FSCN2: variants seen among roughly 807,000 people sequenced by gnomAD.
FSCN2 encodes the protein fascin-2.
Under a neutral mutation model 37.8 loss-of-function variants are expected in FSCN2, and 46 were observed. The observed-to-expected ratio is 1.22, with a 90% CI of 0.96 to 1.56. The LOEUF (loss-of-function observed/expected upper bound fraction) is 1.56, where lower values mean the gene tolerates loss of function less well. FSCN2 is among the 40% of genes most tolerant of loss of function. The probability of loss-of-function intolerance (pLI) is 0.00; values close to 1 mark genes in which losing one functional copy is unlikely to be tolerated. For missense variants in FSCN2, 844 were observed against 730.4 expected (o/e 1.16, Z -1.79); for synonymous variants, 351 against 309.4 (o/e 1.13, Z -1.41).
chr17:81,527,998 G>A (rs982603817), upstream of FSCN2, among the ~76,000 whole-genome samples: 2 of 152,126 alleles, frequency 1.3e-5, no homozygotes, highest in Non-Finnish European at 1.5e-5. Context: ...GAGGGTACGG[G>A]CGGCGATCAG....
In FSCN2 at chr17:81,537,124, T is replaced by C. The variant is rs944214541; in HGVS notation, c.*44T>C. ...CTGTCGCGCATTAAAACCGTGTCTC[T>C]CCCGCAGCTGTGGGTGGGCCCCGGG... is the stretch of plus-strand genomic sequence containing the variant. On this transcript the variant is annotated 3_prime_UTR_variant, in exon 5 of 5. Coordinates refer to ENST00000417245, the MANE Select transcript of FSCN2 (RefSeq NM_012418.4). The C allele has an allele frequency of 9.7e-6, 13 of 1,341,196 alleles. No homozygotes were observed. In the African/African-American group the frequency reaches 2.0e-4, roughly 21 times the overall value. 83.1% of individuals were successfully genotyped at this position (1,341,196 alleles called of 1,614,324 possible).
the FSCN2 span, among the ~76,000 whole-genome samples, chr17:81,517,149 C>G: frequency 6.6e-6 from 1 of 151,936 alleles, no homozygotes; most frequent in Non-Finnish European, 1.5e-5. Flanking sequence ...CTCAACCCCA[C>G]TCCCCTGCCC....
chr17:81,532,272 GTGGTGA>G (rs1279979597), intron 1 of FSCN2, among the ~76,000 whole-genome samples: 35 of 133,466 alleles, frequency 2.6e-4, no homozygotes, highest in Admixed American at 1.3e-3. Flanking sequence ...GATAGTGATG[GTGGTGA>G]TGGTGATGGT....
rs782073381 is a variant in FSCN2, at chr17:81,529,139, A to G, written c.608A>G (p.Glu203Gly). 12 of 1,584,382 alleles carry G rather than the reference A, an allele frequency of 7.6e-6. No homozygotes were observed. In the South Asian group the frequency reaches 1.2e-4, roughly 15 times the overall value. ...YLRSDGRLVW[E>G]PEPRACYTLE... Reference sequence around the variant, plus strand: ...CGCAGCGACGGCCGTCTGGTCTGGGAGCCTGAGCCCCGTGCCTGCTACACG... The same window carrying G: ...CGCAGCGACGGCCGTCTGGTCTGGGGGCCTGAGCCCCGTGCCTGCTACACG... Residue 203 changes from glutamate (E) to glycine (G), a missense_variant, in exon 1 of 5, where the codon GAG becomes GGG. Coordinates refer to ENST00000417245, the MANE Select transcript of FSCN2 (RefSeq NM_012418.4).
the FSCN2 span, among the ~76,000 whole-genome samples, chr17:81,515,789 A>C: frequency 2.0e-5 from 3 of 152,282 alleles, no homozygotes; most frequent in East Asian, 5.8e-4. Flanking sequence ...ATGGGTCCCC[A>C]CCCCTAGCCT....
At chr17:81,534,226 C>G (rs1168246955) in intron 1 of FSCN2, among the ~76,000 whole-genome samples, 2 of 152,130 alleles carry the variant, frequency 1.3e-5, no homozygotes, top group Admixed American at 6.5e-5. Context: ...GGCATCCTCT[C>G]CCCTGGGCAC....
upstream of FSCN2, among the ~76,000 whole-genome samples, chr17:81,524,816 G>C (rs1335446066): frequency 6.6e-6 from 1 of 151,932 alleles, no homozygotes; most frequent in Non-Finnish European, 1.5e-5. Context: ...GATCCAGGAT[G>C]ACAGTCCCAG....
chr17:81,520,402 C>T, the FSCN2 span, among the ~76,000 whole-genome samples: 1 of 152,210 alleles, frequency 6.6e-6, no homozygotes, highest in Non-Finnish European at 1.5e-5. Context: ...GCCCCCTATG[C>T]CTGGCCCCCA....
At chr17:81,532,419 GTGATGGTGATGATAATGGTGATGA>G (rs1199507702) in intron 1 of FSCN2, among the ~76,000 whole-genome samples, 8 of 130,352 alleles carry the variant, frequency 6.1e-5, no homozygotes, top group Admixed American at 1.5e-4. Context: ...GGTGATGATG[GTGATGGTGATGATAATGGTGATGA>G]TGATGGTGAT....
At chr17:81,525,924 G>T (rs2032336463), upstream of FSCN2, among the ~76,000 whole-genome samples, 2 of 152,158 alleles carry the variant, frequency 1.3e-5, no homozygotes, top group Non-Finnish European at 2.9e-5. Flanking sequence ...CTCCAAGGAA[G>T]CCTGGCCCAG....
chr17:81,518,734 C>T, the FSCN2 span, among the ~76,000 whole-genome samples: 1 of 152,224 alleles, frequency 6.6e-6, no homozygotes, highest in Non-Finnish European at 1.5e-5. Context: ...CCCTCCTGCT[C>T]TGGCCAGCAG....
intron 1 of FSCN2, among the ~76,000 whole-genome samples, chr17:81,530,945 G>A (rs1245124183): frequency 6.6e-6 from 1 of 152,276 alleles, no homozygotes; most frequent in African/African-American, 2.4e-5. Flanking sequence ...GGTTAAAGGG[G>A]GTAAGTGGGA....
chr17:81,531,449 G>GAT (rs1459214632), intron 1 of FSCN2, among the ~76,000 whole-genome samples: 1 of 149,104 alleles, frequency 6.7e-6, no homozygotes, highest in African/African-American at 2.5e-5. Context: ...TGGTGATGGT[G>GAT]GTGGTGATGG....
At position 81,529,156 on chromosome 17, in the gene FSCN2, T is replaced by C. The variant is rs1481339548; in HGVS notation, c.625T>C (p.Cys209Arg). The C allele has an allele frequency of 6.3e-7, 1 of 1,586,798 alleles. No individual in the cohort carries two copies. Among genetic ancestry groups the C allele is most frequent in the Non-Finnish European group, 8.6e-7 (1 of 1,168,172 alleles). The part of the protein sequence containing the change: ...RLVWEPEPRA[C>R]YTLEFKAGKL... ...GGTCTGGGAGCCTGAGCCCCGTGCC[T>C]GCTACACGCTGGAGTTCAAGGCGGG... is the stretch of plus-strand genomic sequence containing the variant. The change falls in exon 1 of 5, where the codon TGC (cysteine) becomes CGC (arginine). Residue 209 changes from cysteine to arginine, a missense_variant. By Grantham distance (180) the Cys-to-Arg change is radical. Coordinates refer to ENST00000417245, the MANE Select transcript of FSCN2 (RefSeq NM_012418.4).
chr17:81,523,393 G>A (rs1212790439), upstream of FSCN2, among the ~76,000 whole-genome samples: 3 of 152,222 alleles, frequency 2.0e-5, no homozygotes, highest in East Asian at 3.8e-4. Flanking sequence ...CGGCCCCCTC[G>A]CCCGTGTAAG....
chr17:81,537,098 C>T lies in FSCN2; in HGVS notation c.*18C>T. On this transcript the variant is annotated 3_prime_UTR_variant, in exon 5 of 5. Coordinates refer to ENST00000417245, the MANE Select transcript of FSCN2 (RefSeq NM_012418.4). ...AGTACTGAGGCCGCGCCCAGACCAGCCTGTCGCGCATTAAAACCGTGTCTC... is the reference window on the plus strand; with the variant it reads ...AGTACTGAGGCCGCGCCCAGACCAGTCTGTCGCGCATTAAAACCGTGTCTC... 1 of 1,402,280 alleles carries T rather than the reference C, an allele frequency of 7.1e-7. No individual in the cohort carries two copies. Among genetic ancestry groups the T allele is most frequent in the South Asian group, 1.5e-5 (1 of 65,312 alleles). 86.9% of individuals were successfully genotyped at this position (1,402,280 alleles called of 1,614,324 possible). A position where few individuals can be genotyped will look rare whatever the true frequency, so the allele number is the denominator to read the frequency against.
rs1188925979 is a variant in FSCN2 at position 81,531,741 on chromosome 17, GTGA to G, written c.826+2389_826+2391del. 4.8e-5 allele frequency among the ~76,000 whole-genome samples: 6 copies of G among 124,310 alleles called. 1 individual carries two copies. The highest frequency in any genetic ancestry group is 5.8e-4 in the South Asian group (2 of 3,438). 81.6% of individuals were successfully genotyped at this position (124,310 alleles called of 152,430 possible). On this transcript the variant is annotated intron_variant, in intron 1 of 4. Coordinates refer to ENST00000417245, the MANE Select transcript of FSCN2 (RefSeq NM_012418.4). Reference sequence around the variant, plus strand: ...GGTGGTGATGGTGATGGTGATGATGGTGATGATAGTGATGGCGATGATGGTGAT... The same window carrying G: ...GGTGGTGATGGTGATGGTGATGATGGTGATAGTGATGGCGATGATGGTGAT...
At chr17:81,530,262 ACAC>A (rs1287502963) in intron 1 of FSCN2, 1 of 281,572 alleles carries the variant, frequency 3.6e-6, no homozygotes, top group Non-Finnish European at 6.9e-6. Flanking sequence ...GTGATGGAGG[ACAC>A]GGTGGGCAGG....
At position 81,528,774 on chromosome 17, in the gene FSCN2, A is replaced by G; in HGVS notation, c.243A>G (p.Ala81=). The G allele has an allele frequency of 6.4e-7, 1 of 1,573,202 alleles. No individual in the cohort carries two copies. The part of the protein sequence containing the change: ...AEEDGRVACE[A]EQPGRDCRFL... ...AGGACGGGCGCGTGGCCTGTGAGGC[A>G]GAGCAGCCGGGCCGTGACTGCCGCT... The change falls in exon 1 of 5, where the codon GCA becomes GCG. Residue 81 remains alanine (A), a synonymous_variant. Transcript: ENST00000417245.
Sources: allele counts gnomAD v4.1 joint callset (sites outside exome capture counted in the v4.1 genomes callset), GRCh38; gene constraint gnomAD v4.1.1; transcripts MANE v1.5; gene names NCBI Gene and HGNC (gene_info 2026-07-23, HGNC 2026-07-21).